The following CD46 variants were observed in gnomAD, a reference collection of about 807,000 sequenced individuals.
The protein encoded by CD46 is membrane cofactor protein.
CD46 carries 30 observed loss-of-function variants against 53.3 expected under a neutral mutation model. That is an observed-to-expected ratio of 0.56 (90% confidence interval 0.42 to 0.76). The LOEUF is 0.76. CD46 is among the 30% of genes least tolerant of loss of function. The pLI is 0.00. For missense variants in CD46, 409 were observed against 463.0 expected, an observed-to-expected ratio of 0.88 and a Z score of 1.07; for synonymous variants, 142 against 152.0, an observed-to-expected ratio of 0.93 and a Z score of 0.48.
chr1:207,763,418 G>T (rs1476729877), intron 5 of CD46, among the ~76,000 whole-genome samples: 1 of 152,042 alleles, frequency 6.6e-6, no homozygotes, highest in East Asian at 1.9e-4. Flanking sequence ...TCTGCAGAGG[G>T]CAGGCCAGAG....
chr1:207,787,145 C>T (rs1659343465), intron 11 of CD46, among the ~76,000 whole-genome samples: 1 of 152,084 alleles, frequency 6.6e-6, no homozygotes, highest in Non-Finnish European at 1.5e-5. Flanking sequence ...AATCTTGGCT[C>T]GCTGCAACCT....
chr1:207,767,778 G>T lies in CD46; in HGVS notation c.857-1G>T. The T allele has an allele frequency of 6.2e-7, 1 of 1,612,716 alleles. No individual in the cohort carries two copies. Among genetic ancestry groups the T allele is most frequent in the Non-Finnish European group, 8.5e-7 (1 of 1,178,848 alleles). Reference sequence around the variant, plus strand: ...ATCTACATTATTATTTTGTTTTCCAGTGTCGACTTCTTCCACTACAAAATC... The same window carrying T: ...ATCTACATTATTATTTTGTTTTCCATTGTCGACTTCTTCCACTACAAAATC... On this transcript the variant is annotated splice_acceptor_variant, in intron 6 of 12. Coordinates refer to ENST00000367042, the MANE Select transcript of CD46 (RefSeq NM_172351.3). LOFTEE classifies it high-confidence loss of function.
chr1:207,765,700 G>A (rs1656765812), intron 5 of CD46, among the ~76,000 whole-genome samples: 1 of 152,168 alleles, frequency 6.6e-6, no homozygotes. Context: ...ATATGGAGCA[G>A]ATGAAACTCT....
intron 1 of CD46, 55 bp from the exon 2 acceptor site, chr1:207,756,959 C>T: frequency 6.9e-7 from 1 of 1,439,984 alleles, no homozygotes; most frequent in Non-Finnish European, 9.8e-7. Flanking sequence ...CAGTCCATGG[C>T]TGATGAAAGT....
At chr1:207,775,755 C>G (rs1022077512) in intron 8 of CD46, among the ~76,000 whole-genome samples, 1 of 152,134 alleles carries the variant, frequency 6.6e-6, no homozygotes, top group Non-Finnish European at 1.5e-5. Context: ...GGTGGGGCAC[C>G]CACCACCTGT....
intron 7 of CD46, chr1:207,769,697 T>C (rs1657249614): frequency 6.6e-6 from 1 of 152,198 alleles, no homozygotes; most frequent in Non-Finnish European, 1.5e-5. Flanking sequence ...AAGAGAAAGA[T>C]GTAAATTATG....
In CD46 at chr1:207,752,365, CG is replaced by C. The variant is rs1444334491; in HGVS notation, c.97+59del. The C allele has an allele frequency of 1.3e-6, 2 of 1,523,436 alleles. No homozygotes were observed. The highest frequency in any genetic ancestry group is 1.4e-5 in the African/African-American group (1 of 73,176). The allele number at this position is 1,523,436 out of a possible 1,614,324, so 94.4% of individuals were successfully genotyped here. On this transcript the variant is annotated intron_variant, in intron 1 of 12. Transcript: ENST00000367042. The surrounding 1 kb of genome is among the most constrained non-coding windows in gnomAD (Gnocchi z 4.1). ...CGGCGAGACTAGAGCTCTCCTCAGTCGGGCAAGAGTCGCGGGGCGGGGCTCA... is the reference window on the plus strand; with the variant it reads ...CGGCGAGACTAGAGCTCTCCTCAGTCGGCAAGAGTCGCGGGGCGGGGCTCA...
chr1:207,769,766 C>CTT (rs761840413), intron 7 of CD46: 6 of 144,490 alleles, frequency 4.2e-5, no homozygotes, highest in African/African-American at 7.8e-5. Context: ...AAGCACATTC[C>CTT]CTTTTTTTTT....
Position 207,783,194 on chromosome 1 carries a change from G to A in CD46, c.944-98G>A, listed in dbSNP as rs566784033. 12 of 636,948 alleles carry A rather than the reference G, an allele frequency of 1.9e-5. No individual in the cohort carries two copies. The Admixed American group carries it at 2.1e-4, about 11-fold the overall frequency. The allele number at this position is 636,948 out of a possible 1,614,324, so 39.5% of individuals were successfully genotyped here. On this transcript the variant is annotated intron_variant, in intron 8 of 12. Coordinates refer to ENST00000367042, the MANE Select transcript of CD46 (RefSeq NM_172351.3). Reference sequence around the variant, plus strand: ...ATTTTAAGGGATTTTCTACAAAGGTGAAAAAAAATCACCCTATGAGTTTAA... The same window carrying A: ...ATTTTAAGGGATTTTCTACAAAGGTAAAAAAAAATCACCCTATGAGTTTAA...
intron 12 of CD46, 82 bp downstream of exon 12, chr1:207,790,427 G>T: frequency 1.4e-6 from 1 of 725,948 alleles, no homozygotes; most frequent in East Asian, 2.6e-5. Context: ...AATAACCTGA[G>T]CAAAGAGATA....
intron 12 of CD46, among the ~76,000 whole-genome samples, chr1:207,790,935 CTGTT>C (rs1558084959): frequency 6.6e-6 from 1 of 152,182 alleles, no homozygotes; most frequent in African/African-American, 2.4e-5. Flanking sequence ...AATTATTCCT[CTGTT>C]TGTGCTAGAA....
rs974874537 is a variant in CD46 at position 207,785,106 on chromosome 1, G to A, written c.1018G>A (p.Val340Ile). ...CATTGCTGTGATTGTTATTGCCATA[G>A]GTAAGTATCACAAATTTTGACACCA... ...WVIAVIVIAIVVGVAVICVVP... is the reference protein window; with the variant it reads ...WVIAVIVIAIIVGVAVICVVP... The change falls in exon 10 of 13, where the codon GTT (valine) becomes ATT (isoleucine). Residue 340 changes from valine to isoleucine, a missense_variant and splice_region_variant. Coordinates refer to ENST00000367042, the MANE Select transcript of CD46 (RefSeq NM_172351.3). The A allele has an allele frequency of 2.0e-5, 33 of 1,610,878 alleles. No homozygotes were observed. The highest frequency in any genetic ancestry group is 2.7e-5 in the Non-Finnish European group (32 of 1,177,362).
At chr1:207,787,781 G>C (rs1396439790) in intron 11 of CD46, among the ~76,000 whole-genome samples, 2 of 152,288 alleles carry the variant, frequency 1.3e-5, no homozygotes, top group Non-Finnish European at 1.5e-5. Flanking sequence ...CCAAAGCTAG[G>C]CTCTCTTTAT....
chr1:207,779,124 A>C (rs545390795), intron 8 of CD46, among the ~76,000 whole-genome samples: 1 of 152,106 alleles, frequency 6.6e-6, no homozygotes, highest in East Asian at 1.9e-4. Flanking sequence ...TGATTTTTGT[A>C]TATTGATTTT....
intron 8 of CD46, among the ~76,000 whole-genome samples, chr1:207,779,711 TATAATG>T (rs1658509137): frequency 6.6e-6 from 1 of 152,094 alleles, no homozygotes; most frequent in African/African-American, 2.4e-5. Flanking sequence ...TTCTGGTGTA[TATAATG>T]AGATATATGG....
In CD46 at chr1:207,752,703, C is replaced by T. The variant is rs1335203384; in HGVS notation, c.97+394C>T. Among the ~76,000 whole-genome samples, 1 of 152,064 alleles carries T rather than the reference C, an allele frequency of 6.6e-6. No homozygotes were observed. The highest frequency in any genetic ancestry group is 1.5e-5 in the Non-Finnish European group (1 of 68,004). On this transcript the variant is annotated intron_variant, in intron 1 of 12. Transcript: ENST00000367042. The surrounding 1 kb of genome is among the most constrained non-coding windows in gnomAD (Gnocchi z 4.1). Reference sequence around the variant, plus strand: ...TGCTGTGTCCGTGGTGAGAGTTTGCCCTGTGTTCCCTTGGTGCCTTGGTGA... The same window carrying T: ...TGCTGTGTCCGTGGTGAGAGTTTGCTCTGTGTTCCCTTGGTGCCTTGGTGA...
At chr1:207,767,622 G>A (rs1452593432) in intron 6 of CD46, 157 bp from the exon 7 acceptor site, 1 of 1,612,996 alleles carries the variant, frequency 6.2e-7, no homozygotes, top group East Asian at 2.2e-5. Context: ...CCTCCATCTA[G>A]TACAAAACCT....
intron 5 of CD46, 112 bp downstream of exon 5, chr1:207,761,558 A>C: frequency 1.2e-6 from 1 of 834,620 alleles, no homozygotes; most frequent in Admixed American, 2.1e-5. Context: ...CCTCCTGTAT[A>C]ATTGGTTTCT....
chr1:207,757,830 T>G lies in CD46; in HGVS notation c.389+188T>G, dbSNP rs2466573. 0.99 allele frequency among the ~76,000 whole-genome samples: 151,341 copies of G among 152,354 alleles called. 75,178 individuals are homozygous for G. Among genetic ancestry groups the G allele is most frequent in the Non-Finnish European group, 1 (68,040 of 68,040 alleles). On this transcript the variant is annotated intron_variant, in intron 3 of 12. Coordinates refer to ENST00000367042, the MANE Select transcript of CD46 (RefSeq NM_172351.3). Reference sequence around the variant, plus strand: ...TAGTAAATAGAAAGTAATTGATATTTAAGGAAAGCAAAACTACTTGCTGTT... The same window carrying G: ...TAGTAAATAGAAAGTAATTGATATTGAAGGAAAGCAAAACTACTTGCTGTT...
Sources: allele counts gnomAD v4.1 joint callset (sites outside exome capture counted in the v4.1 genomes callset), GRCh38; gene constraint gnomAD v4.1.1; non-coding constraint Gnocchi (gnomAD v3.1); transcripts MANE v1.5; gene names NCBI Gene and HGNC (gene_info 2026-07-23, HGNC 2026-07-21).